Variants in AK9 observed in about 807,000 individuals in gnomAD.
The protein encoded by AK9 is adenylate kinase domain containing 1.
AK9 carries 191 observed loss-of-function variants against 239.6 expected under a neutral mutation model. The observed-to-expected ratio is 0.80, with a 90% CI of 0.71 to 0.90. The LOEUF is 0.90. Ranked by LOEUF, AK9 falls within the 40% of genes least tolerant of loss-of-function variation. AK9 has a pLI of 0.00. For synonymous variants in AK9, 689 were observed against 721.0 expected (o/e 0.96, Z 0.71); for missense variants, 1,995 against 2,214.7 (o/e 0.90, Z 1.99).
At chr6:109,554,944 A>C (rs1469924854) in intron 24 of AK9, among the ~76,000 whole-genome samples, 1 of 152,006 alleles carries the variant, frequency 6.6e-6, no homozygotes, top group Non-Finnish European at 1.5e-5. Context: ...CTGTTTTGTT[A>C]ATTTTTTAAA....
At chr6:109,603,510 T>G (rs1792373909) in intron 17 of AK9, among the ~76,000 whole-genome samples, 1 of 152,184 alleles carries the variant, frequency 6.6e-6, no homozygotes, top group Admixed American at 6.5e-5. Flanking sequence ...GTTAGGCTAC[T>G]TGGGGGTCAG....
chr6:109,656,670 T>C (rs938483111), intron 8 of AK9, 86 bp downstream of exon 8: 5 of 1,385,446 alleles, frequency 3.6e-6, no homozygotes, highest in Non-Finnish European at 4.9e-6. Flanking sequence ...TAATAACACA[T>C]GGGGATGAAG....
chr6:109,497,777 C>G lies in AK9; in HGVS notation c.5216+19G>C. ...GCGTAGCAATATCATTCTATACTTCCATGAAGGCCAGGACTTGCCTTTGGT... is the reference window on the plus strand; with the variant it reads ...GCGTAGCAATATCATTCTATACTTCGATGAAGGCCAGGACTTGCCTTTGGT... On this transcript the variant is annotated intron_variant, in intron 37 of 40. Transcript: ENST00000424296. 2 of 1,605,762 alleles carry G rather than the reference C, an allele frequency of 1.2e-6. No homozygotes were observed. The highest frequency in any genetic ancestry group is 1.7e-6 in the Non-Finnish European group (2 of 1,173,578).
At position 109,674,250 on chromosome 6, in the gene AK9, T is replaced by C; in HGVS notation, c.129A>G (p.Lys43=). 4 of 1,575,988 alleles carry C rather than the reference T, an allele frequency of 2.5e-6. No homozygotes were observed. The highest frequency in any genetic ancestry group is 3.4e-6 in the Non-Finnish European group (4 of 1,161,462). The change falls in exon 3 of 41, where the codon AAA becomes AAG. Residue 43 remains lysine (K), a synonymous_variant. Coordinates refer to ENST00000424296, the MANE Select transcript of AK9 (RefSeq NM_001145128.3). The stretch of plus-strand genomic sequence containing the variant: ...GTGTTATGTAACGGGCTAATGTTGT[T>C]TTCCCAACACCCTTAAAAAGAAAAA... ...FVVFGKPGVG[K]TTLARYITQA...
chr6:109,559,175 T>G (rs1015797942), intron 24 of AK9, among the ~76,000 whole-genome samples: 2 of 150,766 alleles, frequency 1.3e-5, no homozygotes, highest in Non-Finnish European at 3.0e-5. Context: ...CTGTTTTTTT[T>G]TTTGTTTTTT....
intron 20 of AK9, among the ~76,000 whole-genome samples, chr6:109,575,049 T>C (rs953631772): frequency 1.3e-5 from 2 of 152,220 alleles, no homozygotes; most frequent in African/African-American, 4.8e-5. Context: ...CATTCCTTTT[T>C]ATGGCTCAGT....
chr6:109,650,740 G>C lies in AK9; in HGVS notation c.759+6016C>G, dbSNP rs376941245. The stretch of plus-strand genomic sequence containing the variant: ...GCCATCCCATTACTGGGTATATACC[G>C]AAAGGATTATAAATCATGCTGCTAT... On this transcript the variant is annotated intron_variant, in intron 8 of 40. Coordinates refer to ENST00000424296, the MANE Select transcript of AK9 (RefSeq NM_001145128.3). Among the ~76,000 whole-genome samples the C allele has an allele frequency of 8.0e-3, 1,225 of 152,198 alleles. 25 individuals carry two copies. The highest frequency in any genetic ancestry group is 0.026 in the African/African-American group (1,074 of 41,536).
At chr6:109,532,676 A>G (rs1582873592) in intron 28 of AK9, among the ~76,000 whole-genome samples, 1 of 152,122 alleles carries the variant, frequency 6.6e-6, no homozygotes, top group East Asian at 1.9e-4. Flanking sequence ...GGTTGTTTCT[A>G]CTTTCTGGTT....
At chr6:109,633,915 C>T (rs1474287602) in intron 10 of AK9, among the ~76,000 whole-genome samples, 1 of 152,142 alleles carries the variant, frequency 6.6e-6, no homozygotes, top group Non-Finnish European at 1.5e-5. Flanking sequence ...ACTGCTAATT[C>T]TCAGTTGGGA....
At chr6:109,597,722 A>C (rs1228044039) in intron 17 of AK9, among the ~76,000 whole-genome samples, 1 of 152,094 alleles carries the variant, frequency 6.6e-6, no homozygotes, top group Non-Finnish European at 1.5e-5. Flanking sequence ...GCTTCGAAGA[A>C]ATAATTCAAC....
intron 17 of AK9, among the ~76,000 whole-genome samples, chr6:109,589,997 T>C (rs1191839146): frequency 6.6e-6 from 1 of 152,206 alleles, no homozygotes; most frequent in African/African-American, 2.4e-5. Flanking sequence ...TCTGCATCTA[T>C]GTTCATCAGG....
At chr6:109,656,706 A>G in intron 8 of AK9, 50 bp downstream of exon 8, 2 of 1,516,764 alleles carry the variant, frequency 1.3e-6, no homozygotes, top group South Asian at 1.2e-5. Context: ...TTAACCAGTG[A>G]TGAAACACAA....
At chr6:109,503,977 C>T (rs1777853627) in intron 35 of AK9, among the ~76,000 whole-genome samples, 1 of 152,216 alleles carries the variant, frequency 6.6e-6, no homozygotes, top group African/African-American at 2.4e-5. Flanking sequence ...TCCCACCACA[C>T]TGCAGGTTAG....
chr6:109,667,319 C>A (rs1480043949), intron 5 of AK9, among the ~76,000 whole-genome samples: 1 of 150,268 alleles, frequency 6.7e-6, no homozygotes, highest in African/African-American at 2.4e-5. Flanking sequence ...TTTTAATTCT[C>A]TTTGTTATTT....
intron 29 of AK9, chr6:109,528,344 T>C: frequency 2.8e-6 from 1 of 359,354 alleles, no homozygotes; most frequent in East Asian, 7.3e-5. Flanking sequence ...ATAATGAGGC[T>C]ACGATTTCTG....
chr6:109,509,439 G>C (rs1207026426), intron 32 of AK9, 59 bp from the exon 33 acceptor site: 4 of 1,441,056 alleles, frequency 2.8e-6, no homozygotes, highest in African/African-American at 2.8e-5. Context: ...GGGGACATGT[G>C]CAGTTTTGTT....
rs367820118 is a variant in AK9 at position 109,545,947 on chromosome 6, C to G, written c.3145G>C (p.Glu1049Gln). The G allele has an allele frequency of 1.2e-6, 2 of 1,614,050 alleles. No homozygotes were observed. Among genetic ancestry groups the G allele is most frequent in the Non-Finnish European group, 1.7e-6 (2 of 1,180,028 alleles). The change falls in exon 26 of 41, where the codon GAG (glutamate) becomes CAG (glutamine). Residue 1049 changes from glutamate (E) to glutamine (Q), a missense_variant. Glu to Gln is a conservative substitution (Grantham distance 29, BLOSUM62 2). Around this residue, in one of 5 missense-constraint regions of AK9, gnomAD observed 1,290 missense variants for 1,392.7 expected, o/e 0.93. Transcript: ENST00000424296. ...GPEFEEDSEN[E>Q]QAAKQELEEL... ...TCAAGTTCTTGTTTGGCAGCTTGCTCGTTCTCAGAATCTTCCTCAAATTCA... is the reference window on the plus strand; with the variant it reads ...TCAAGTTCTTGTTTGGCAGCTTGCTGGTTCTCAGAATCTTCCTCAAATTCA...
In AK9 at chr6:109,618,429, G is replaced by GAA. The variant is rs774118344; in HGVS notation, c.1399+661_1399+662dup. On this transcript the variant is annotated intron_variant, in intron 13 of 40. Coordinates refer to ENST00000424296, the MANE Select transcript of AK9 (RefSeq NM_001145128.3). ...CTCTCATTTTTCCTGGAGAAAAACA[G>GAA]AAAAAAAAAAACAAAACGCTTTTTG... is the stretch of plus-strand genomic sequence containing the variant. Among the ~76,000 whole-genome samples, 990 of 116,440 alleles carry GAA rather than the reference G, an allele frequency of 8.5e-3. 9 individuals carry two copies. Among genetic ancestry groups the GAA allele is most frequent in the Middle Eastern group, 0.015 (3 of 206 alleles). 76.4% of individuals were successfully genotyped at this position (116,440 alleles called of 152,430 possible).
At chr6:109,576,933 C>T (rs866081122) in intron 20 of AK9, among the ~76,000 whole-genome samples, 2 of 151,646 alleles carry the variant, frequency 1.3e-5, no homozygotes, top group South Asian at 2.1e-4. Context: ...TGGGTTCAAG[C>T]GATTTTCCTG....
Sources: allele counts gnomAD v4.1 joint callset (sites outside exome capture counted in the v4.1 genomes callset), GRCh38; gene constraint gnomAD v4.1.1; regional missense constraint gnomAD v4.1.1; transcripts MANE v1.5; gene names NCBI Gene and HGNC (gene_info 2026-07-23, HGNC 2026-07-21).